The following PSMA1 variants were observed in gnomAD, a reference collection of about 807,000 sequenced individuals.
PSMA1 encodes proteasome 20S subunit alpha 1.
Under a neutral mutation model 38.4 loss-of-function variants are expected in PSMA1, and 3 were observed. That is an observed-to-expected ratio of 0.08 (90% CI 0.04 to 0.20). The LOEUF is 0.20. Among genes scored for constraint, PSMA1 ranks in the 10% least tolerant of loss-of-function variants. The pLI is 1.00. For synonymous variants in PSMA1, 101 were observed against 107.1 expected (o/e 0.94, Z 0.35); for missense variants, 227 against 325.3 (o/e 0.70, Z 2.32).
chr11:14,624,013 T>A lies in PSMA1; in HGVS notation c.-165-12862A>T, dbSNP rs73428257. Among the ~76,000 whole-genome samples the A allele has an allele frequency of 3.9e-3, 594 of 152,346 alleles. 7 individuals carry two copies. Among genetic ancestry groups the A allele is most frequent in the African/African-American group, 0.014 (572 of 41,582 alleles). On this transcript the variant is annotated intron_variant, in intron 1 of 10. Coordinates refer to the PSMA1 transcript ENST00000418988. Reference sequence around the variant, plus strand: ...CCAGGGGCTTAAAGAATGTCTGATCTATGGGTATAGAATACCACACAAAAA... The same window carrying A: ...CCAGGGGCTTAAAGAATGTCTGATCAATGGGTATAGAATACCACACAAAAA...
chr11:14,518,955 A>T, intron 2 of PSMA1, 42 bp downstream of exon 2: 1 of 1,488,818 alleles, frequency 6.7e-7, no homozygotes. Context: ...TTGCAGCCAC[A>T]AAAAGCCACT....
chr11:14,609,915 C>T (rs1455791321), intron 2 of PSMA1, among the ~76,000 whole-genome samples: 6 of 152,138 alleles, frequency 3.9e-5, no homozygotes, highest in Admixed American at 2.0e-4. Context: ...GCAGGAAGAC[C>T]ATTTAGGAAA....
chr11:14,541,700 G>A (rs1048118628), intron 2 of PSMA1, among the ~76,000 whole-genome samples: 5 of 152,220 alleles, frequency 3.3e-5, no homozygotes, highest in Non-Finnish European at 7.3e-5. Flanking sequence ...GAGCCTCTTA[G>A]GAGTTCCCCT....
intron 5 of PSMA1, 94 bp downstream of exon 5, chr11:14,514,309 C>A (rs754561961): frequency 3.5e-6 from 5 of 1,430,258 alleles, no homozygotes; most frequent in South Asian, 1.5e-5. Context: ...CACAATCTTA[C>A]CTATGTCATA....
At chr11:14,519,569 G>A (rs1307062836) in intron 1 of PSMA1, among the ~76,000 whole-genome samples, 1 of 152,142 alleles carries the variant, frequency 6.6e-6, no homozygotes, top group Non-Finnish European at 1.5e-5. Flanking sequence ...CTGTACAAGT[G>A]CTGTCTGTAT....
chr11:14,571,626 T>A (rs200771663), intron 2 of PSMA1, among the ~76,000 whole-genome samples: 4 of 151,324 alleles, frequency 2.6e-5, no homozygotes, highest in Admixed American at 6.6e-5. Context: ...AATAACCAGC[T>A]AACATCATAA....
chr11:14,529,095 C>T (rs1851618480), intron 2 of PSMA1, among the ~76,000 whole-genome samples: 2 of 140,934 alleles, frequency 1.4e-5, no homozygotes, highest in Admixed American at 1.5e-4. Flanking sequence ...GAACTATGAT[C>T]AGCCTGGGTG....
chr11:14,586,485 G>A (rs1021126718), intron 2 of PSMA1, among the ~76,000 whole-genome samples: 2 of 151,868 alleles, frequency 1.3e-5, no homozygotes, highest in African/African-American at 4.8e-5. Context: ...AGCCAGGGTA[G>A]TATGCATGTG....
chr11:14,635,217 A>G lies in PSMA1; in HGVS notation c.-166+8238T>C, dbSNP rs79998052. On this transcript the variant is annotated intron_variant, in intron 1 of 10. Coordinates refer to the PSMA1 transcript ENST00000418988. ...TGAAGTTTACTGGTTAAAGAGCCATAGTTTTGATTTGTTTAAAGTGTTGTT... is the reference window on the plus strand; with the variant it reads ...TGAAGTTTACTGGTTAAAGAGCCATGGTTTTGATTTGTTTAAAGTGTTGTT... Among the ~76,000 whole-genome samples, 168 of 152,360 alleles carry G rather than the reference A, an allele frequency of 1.1e-3. 1 individual carries two copies. Among genetic ancestry groups the G allele is most frequent in the Non-Finnish European group, 2.2e-3 (149 of 68,036 alleles).
At chr11:14,643,565 C>A (rs1236781971) in exon 1 of PSMA1, 2 of 152,036 alleles carry the variant, frequency 1.3e-5, no homozygotes, top group African/African-American at 4.8e-5. Context: ...GGACTGCCGC[C>A]GCCGCGCTTT....
At chr11:14,529,372 T>C (rs1262629793) in intron 2 of PSMA1, among the ~76,000 whole-genome samples, 1 of 152,166 alleles carries the variant, frequency 6.6e-6, no homozygotes, top group East Asian at 1.9e-4. Flanking sequence ...AATCCTCCCA[T>C]GCTCATTGAA....
At chr11:14,529,690 T>A (rs1320456083) in intron 2 of PSMA1, among the ~76,000 whole-genome samples, 1 of 152,212 alleles carries the variant, frequency 6.6e-6, no homozygotes, top group Non-Finnish European at 1.5e-5. Flanking sequence ...ACACCTTAAC[T>A]CTCACCTTAG....
chr11:14,522,476 T>C (rs915601823), upstream of PSMA1, among the ~76,000 whole-genome samples: 4 of 152,228 alleles, frequency 2.6e-5, no homozygotes, highest in Admixed American at 2.0e-4. Flanking sequence ...ATCCATTTAA[T>C]ATTCTACGCT....
chr11:14,530,774 C>T (rs770369381), intron 2 of PSMA1, among the ~76,000 whole-genome samples: 20 of 151,810 alleles, frequency 1.3e-4, no homozygotes, highest in South Asian at 4.1e-4. Context: ...CGGTGGTGCA[C>T]GCCTGTAATC....
At chr11:14,565,731 A>C (rs1001778290) in intron 2 of PSMA1, among the ~76,000 whole-genome samples, 5 of 152,228 alleles carry the variant, frequency 3.3e-5, no homozygotes, top group African/African-American at 1.2e-4. Flanking sequence ...AGAGATAAGC[A>C]ATAAGTAGTA....
chr11:14,514,180 T>A, intron 5 of PSMA1: 5 of 1,336,834 alleles, frequency 3.7e-6, no homozygotes, highest in South Asian at 2.2e-5. Context: ...AAACTTTAAA[T>A]CCCCTCTAAA....
intron 2 of PSMA1, among the ~76,000 whole-genome samples, chr11:14,526,471 T>G (rs369842956): frequency 7.7e-4 from 117 of 152,304 alleles, no homozygotes; most frequent in African/African-American, 2.6e-3. Context: ...GGCCATCATG[T>G]CTCCGTGCAG....
chr11:14,610,842 G>GT (rs1852700304), intron 2 of PSMA1: 1 of 948,780 alleles, frequency 1.1e-6, no homozygotes, highest in East Asian at 2.7e-5. Flanking sequence ...TTCTCTTTTT[G>GT]TTTTCTAGCC....
In PSMA1 at chr11:14,538,605, T is replaced by C. The variant is rs554547592; in HGVS notation, c.22-19564A>G. On this transcript the variant is annotated intron_variant, in intron 2 of 10. Coordinates refer to the PSMA1 transcript ENST00000418988. Reference sequence around the variant, plus strand: ...GGTTGAAAGGGTAAATCAAGTTTTATACTTGAAGTTTAGTTTATAAAATAT... The same window carrying C: ...GGTTGAAAGGGTAAATCAAGTTTTACACTTGAAGTTTAGTTTATAAAATAT... 3.3e-5 allele frequency among the ~76,000 whole-genome samples: 5 copies of C among 152,376 alleles called. No homozygotes were observed. In the South Asian group the frequency reaches 1.0e-3, roughly 32 times the overall value.
Sources: gnomAD v4.1 joint callset for allele counts (sites outside exome capture counted in the v4.1 genomes callset) on GRCh38, gnomAD v4.1.1 for gene constraint, MANE v1.5 for transcripts, NCBI Gene and HGNC (gene_info 2026-07-23, HGNC 2026-07-21) for gene names.